ZBTB45: variants seen among roughly 807,000 people sequenced by gnomAD.
The protein encoded by ZBTB45 is zinc finger and BTB domain-containing protein 45.
ZBTB45 carries 22 observed loss-of-function variants against 28.4 expected under a neutral mutation model. The ratio of observed to expected loss-of-function variants is 0.77; its 90% CI spans 0.55 to 1.10. The LOEUF (loss-of-function observed/expected upper bound fraction) is 1.10, where lower values mean the gene tolerates loss of function less well. Ranked by LOEUF, ZBTB45 falls within the 50% of genes least tolerant of loss-of-function variation. ZBTB45 has a pLI of 0.00. For synonymous variants in ZBTB45, 361 were observed against 332.3 expected, an observed-to-expected ratio of 1.09 and a Z score of -0.94; for missense variants, 656 against 750.2, an observed-to-expected ratio of 0.87 and a Z score of 1.47.
At chr19:58,524,423 G>A (rs1016661040), upstream of ZBTB45, among the ~76,000 whole-genome samples, 2 of 137,130 alleles carry the variant, frequency 1.5e-5, no homozygotes, top group Non-Finnish European at 3.0e-5. Flanking sequence ...GTGTGTGTGT[G>A]TGTGTTCATA....
At chr19:58,521,497 C>T (rs1437947174), upstream of ZBTB45, among the ~76,000 whole-genome samples, 1 of 152,056 alleles carries the variant, frequency 6.6e-6, no homozygotes, top group African/African-American at 2.4e-5. Context: ...CAGATAGCAG[C>T]TTAGTCCATA....
chr19:58,520,771 C>A (rs762936470), upstream of ZBTB45, among the ~76,000 whole-genome samples: 2 of 152,126 alleles, frequency 1.3e-5, no homozygotes, highest in African/African-American at 2.4e-5. Context: ...AAACAGACCT[C>A]ATGGCCCGGC....
intron 1 of ZBTB45, chr19:58,519,091 C>T (rs1477151620): frequency 6.5e-6 from 1 of 152,686 alleles, no homozygotes; most frequent in Non-Finnish European, 1.5e-5. Context: ...CCTCGCCTCC[C>T]CTTCTGTTCC....
chr19:58,514,423 C>G, intron 2 of ZBTB45, 113 bp from the exon 3 acceptor site: 2 of 1,327,612 alleles, frequency 1.5e-6, no homozygotes, highest in South Asian at 1.5e-5. Flanking sequence ...CCCTCCCCTC[C>G]CGAACCACCA....
Position 58,516,540 on chromosome 19 carries a change from C to T in ZBTB45, c.1134G>A (p.Pro378=), listed in dbSNP as rs555780311. Residue 378 remains proline, a synonymous_variant, in exon 2 of 3, where the codon CCG becomes CCA. Coordinates refer to ENST00000594051, the MANE Select transcript of ZBTB45 (RefSeq NM_001316979.2). The surrounding 1 kb of genome is among the most constrained non-coding windows in gnomAD (Gnocchi z 6.2). ...AAPSTQLGEV[P]APSAAPTTAP... is the part of the protein sequence containing the mutation. Reference sequence around the variant, plus strand: ...CCGTGGTGGGAGCAGCAGAGGGAGCCGGGACCTCCCCCAGCTGAGTACTGG... The same window carrying T: ...CCGTGGTGGGAGCAGCAGAGGGAGCTGGGACCTCCCCCAGCTGAGTACTGG... 66 of 1,608,950 alleles carry T rather than the reference C, an allele frequency of 4.1e-5. No homozygotes were observed. Among genetic ancestry groups the T allele is most frequent in the East Asian group, 2.5e-4 (11 of 44,794 alleles).
chr19:58,534,355 C>T (rs898877461), intron 1 of ZBTB45, among the ~76,000 whole-genome samples: 2 of 151,830 alleles, frequency 1.3e-5, no homozygotes, highest in Non-Finnish European at 2.9e-5. Context: ...TTTAAACTGG[C>T]TAAAATGATA....
intron 1 of ZBTB45, among the ~76,000 whole-genome samples, chr19:58,518,822 C>T (rs1344822349): frequency 6.6e-6 from 1 of 152,122 alleles, no homozygotes; most frequent in Non-Finnish European, 1.5e-5. Flanking sequence ...ATAGGCTCCA[C>T]CAGCCTGTCT....
At chr19:58,532,337 G>T (rs1285952890) in intron 1 of ZBTB45, among the ~76,000 whole-genome samples, 2 of 152,116 alleles carry the variant, frequency 1.3e-5, no homozygotes, top group African/African-American at 4.8e-5. Context: ...GAATTATTTG[G>T]TGCGCCCTAC....
chr19:58,517,611 C>A lies in ZBTB45; in HGVS notation c.63G>T (p.Glu21Asp). The change falls in exon 2 of 3, where the codon GAG (glutamate) becomes GAT (aspartate). Residue 21 changes from glutamate (E) to aspartate (D), a missense_variant. This residue lies in a region of ZBTB45 where 105 missense variants were observed against 152.4 expected (regional missense o/e 0.69). Transcript: ENST00000594051. ...CCCCAAGCCTCTGCCCATTGAGGGT[C>A]TCAAGCAGAGAGCGTGAGAAGTTCT... ...HLQNFSRSLL[E>D]TLNGQRLGGH... 3 of 1,613,952 alleles carry A rather than the reference C, an allele frequency of 1.9e-6. No individual in the cohort carries two copies. The highest frequency in any genetic ancestry group is 2.5e-6 in the Non-Finnish European group (3 of 1,179,978).
At chr19:58,514,437 C>CCTATCA (rs2053463610) in intron 2 of ZBTB45, 127 bp from the exon 3 acceptor site, 1 of 1,237,536 alleles carries the variant, frequency 8.1e-7, no homozygotes, top group Admixed American at 2.7e-5. Context: ...ACCACCACCC[C>CCTATCA]GGGATCCCTT....
At chr19:58,527,192 G>A (rs1270317012) in intron 1 of ZBTB45, among the ~76,000 whole-genome samples, 1 of 152,120 alleles carries the variant, frequency 6.6e-6, no homozygotes, top group Non-Finnish European at 1.5e-5. Context: ...GCTCCTCGAT[G>A]CCCTGGAGCG....
rs398035154 is a variant in ZBTB45, at chr19:58,515,338, A to AC, written c.1280-1029dup. On this transcript the variant is annotated intron_variant, in intron 2 of 2. Transcript: ENST00000594051. The surrounding 1 kb of genome is among the most constrained non-coding windows in gnomAD (Gnocchi z 4.7). ...CTCAAAAAAAATTAAAAAAAAAAAA[A>AC]CCCTATCTCAGTGGCAGTGGACTGA... Among the ~76,000 whole-genome samples the AC allele has an allele frequency of 4.7e-5, 7 of 149,138 alleles. No individual in the cohort carries two copies. Among genetic ancestry groups the AC allele is most frequent in the Admixed American group, 4.7e-4 (7 of 15,010 alleles).
rs1322260865 is a variant in ZBTB45, at chr19:58,513,994, C to G, written c.*60G>C. On this transcript the variant is annotated 3_prime_UTR_variant, in exon 3 of 3. Coordinates refer to ENST00000594051, the MANE Select transcript of ZBTB45 (RefSeq NM_001316979.2). Reference sequence around the variant, plus strand: ...CGGGAACCACGGGTCCCGCAGCGGGCGTGGCCGACTGTGCGGGAGGCCCCG... The same window carrying G: ...CGGGAACCACGGGTCCCGCAGCGGGGGTGGCCGACTGTGCGGGAGGCCCCG... The G allele has an allele frequency of 5.9e-6, 8 of 1,351,182 alleles. No homozygotes were observed. The African/African-American group carries it at 1.2e-4, about 21-fold the overall frequency. 83.7% of individuals were successfully genotyped at this position (1,351,182 alleles called of 1,614,324 possible). A position where few individuals can be genotyped will look rare whatever the true frequency, so the allele number is the denominator to read the frequency against.
intron 1 of ZBTB45, among the ~76,000 whole-genome samples, chr19:58,530,528 A>T (rs575226443): frequency 3.7e-4 from 56 of 149,934 alleles, no homozygotes; most frequent in African/African-American, 1.4e-3. Context: ...CTGGTCTCAA[A>T]CTCCCGACCT....
upstream of ZBTB45, among the ~76,000 whole-genome samples, chr19:58,522,094 G>A (rs1397614942): frequency 3.3e-5 from 5 of 151,790 alleles, no homozygotes; most frequent in Admixed American, 6.6e-5. Context: ...AGGCCGAGGC[G>A]GGTGGATCAC....
At position 58,516,494 on chromosome 19, in the gene ZBTB45, G is replaced by A. The variant is rs768669502; in HGVS notation, c.1180C>T (p.Arg394Cys). The change falls in exon 2 of 3, where the codon CGC (arginine) becomes TGC (cysteine). Residue 394 changes from arginine to cysteine, a missense_variant. Coordinates refer to ENST00000594051, the MANE Select transcript of ZBTB45 (RefSeq NM_001316979.2). This position sits in a 1 kb window ranked among gnomAD's most constrained non-coding sequence, Gnocchi z 6.2. The stretch of plus-strand genomic sequence containing the variant: ...GTAGGTGGCTCAGCACCTGGGGTGC[G>A]AGCAGGGGTGCCTGAGGGGGCCGTG... ...PTTAPSGTPARTPGAEPPTYE... is the reference protein window; with the variant it reads ...PTTAPSGTPACTPGAEPPTYE... The A allele has an allele frequency of 2.6e-5, 42 of 1,613,658 alleles. No homozygotes were observed. The Middle Eastern group carries it at 4.9e-4, about 19-fold the overall frequency.
intron 1 of ZBTB45, among the ~76,000 whole-genome samples, chr19:58,529,084 C>CAAAAAAAAAAAAAAAAAAAAAAAAAAA (rs1231496438): frequency 1.6e-5 from 1 of 61,446 alleles, no homozygotes; most frequent in African/African-American, 6.2e-5. Flanking sequence ...AACTCCATCT[C>CAAAAAAAAAAAAAAAAAAAAAAAAAAA]AAAAAAAAAA....
At chr19:58,534,407 T>A (rs1050208021) in intron 1 of ZBTB45, among the ~76,000 whole-genome samples, 1 of 152,050 alleles carries the variant, frequency 6.6e-6, no homozygotes, top group South Asian at 2.1e-4. Flanking sequence ...ATTATTATTA[T>A]TTTTTGAGAC....
intron 1 of ZBTB45, among the ~76,000 whole-genome samples, chr19:58,525,452 T>C (rs1263725884): frequency 6.6e-6 from 1 of 152,188 alleles, no homozygotes; most frequent in Non-Finnish European, 1.5e-5. Flanking sequence ...CAGTGAAGAC[T>C]TGAGCCCTTC....
Sources: allele counts gnomAD v4.1 joint callset (sites outside exome capture counted in the v4.1 genomes callset), GRCh38; gene constraint gnomAD v4.1.1; regional missense constraint gnomAD v4.1.1; non-coding constraint Gnocchi (gnomAD v3.1); transcripts MANE v1.5; gene names NCBI Gene and HGNC (gene_info 2026-07-23, HGNC 2026-07-21).